The following TMPRSS15 variants were observed in gnomAD, a reference collection of about 807,000 sequenced individuals.
TMPRSS15 encodes enteropeptidase.
A neutral mutation model predicts 125.3 loss-of-function variants in TMPRSS15; 128 were observed. That is an observed-to-expected ratio of 1.02 (90% CI 0.89 to 1.18). The LOEUF is 1.18. Ranked by LOEUF, TMPRSS15 falls within the 50% of genes most tolerant of loss-of-function variation. TMPRSS15 has a pLI of 0.00. For missense variants in TMPRSS15, 1,283 were observed against 1,212.7 expected (o/e 1.06, Z -0.86); for synonymous variants, 446 against 423.2 (o/e 1.05, Z -0.66).
In TMPRSS15 at chr21:18,464,842, CT is replaced by C. The variant is rs2122911351; in HGVS notation, c.10+20956del. ...TTTCTACCAGAGGTACAAAGAGGAG[CT>C]GGTACCATTCCTTCTGAAACTCTTA... On this transcript the variant is annotated intron_variant, in intron 1 of 7. Coordinates refer to the TMPRSS15 transcript ENST00000422787. 5.9e-3 allele frequency among the ~76,000 whole-genome samples: 899 copies of C among 152,296 alleles called. 6 individuals are homozygous for C. The highest frequency in any genetic ancestry group is 8.9e-3 in the Non-Finnish European group (608 of 68,018).
At chr21:18,388,537 A>G (rs774521315) in intron 3 of TMPRSS15, among the ~76,000 whole-genome samples, 12 of 152,308 alleles carry the variant, frequency 7.9e-5, no homozygotes, top group Middle Eastern at 3.4e-3. Flanking sequence ...CTATTCTGAT[A>G]AACTCTGCAA....
chr21:18,464,010 TA>T (rs1342644899), intron 1 of TMPRSS15, among the ~76,000 whole-genome samples: 3 of 151,436 alleles, frequency 2.0e-5, no homozygotes, highest in African/African-American at 7.3e-5. Flanking sequence ...CTGTCACTAC[TA>T]AAAATACAAA....
chr21:18,377,739 GCCC>G (rs1183395811), intron 5 of TMPRSS15, among the ~76,000 whole-genome samples: 1 of 152,002 alleles, frequency 6.6e-6, no homozygotes, highest in African/African-American at 2.4e-5. Flanking sequence ...AGTGTACACT[GCCC>G]CCCATTTCTG....
chr21:18,271,431 C>T (rs1042586812), intron 24 of TMPRSS15, among the ~76,000 whole-genome samples: 2 of 152,128 alleles, frequency 1.3e-5, no homozygotes, highest in African/African-American at 2.4e-5. Flanking sequence ...CCAGAACATA[C>T]TGGGTCGGTT....
chr21:18,460,364 C>T (rs200546483), intron 1 of TMPRSS15, among the ~76,000 whole-genome samples: 1 of 151,634 alleles, frequency 6.6e-6, no homozygotes, highest in African/African-American at 2.4e-5. Context: ...TTTTCTTTCT[C>T]GAGTGGAACA....
In TMPRSS15 at chr21:18,306,996, C is replaced by A. The variant is rs144943577; in HGVS notation, c.2165+5949G>T. 7.6e-3 allele frequency among the ~76,000 whole-genome samples: 1,161 copies of A among 152,270 alleles called. 11 individuals carry two copies. Among genetic ancestry groups the A allele is most frequent in the African/African-American group, 0.025 (1,039 of 41,538 alleles). ...AGGGGAATTGCATTTTGTACCCTAT[C>A]TGCATAAATAATCTTGAGAGACTAC... is the stretch of plus-strand genomic sequence containing the variant. On this transcript the variant is annotated intron_variant, in intron 18 of 24. Coordinates refer to ENST00000284885, the MANE Select transcript of TMPRSS15 (RefSeq NM_002772.3).
chr21:18,464,656 C>G (rs1846256103), intron 1 of TMPRSS15, among the ~76,000 whole-genome samples: 1 of 152,074 alleles, frequency 6.6e-6, no homozygotes, highest in African/African-American at 2.4e-5. Flanking sequence ...ACTAGAAAAT[C>G]TGGAAAAAAT....
intron 1 of TMPRSS15, among the ~76,000 whole-genome samples, chr21:18,480,922 T>C (rs60410106): frequency 6.6e-6 from 1 of 151,802 alleles, no homozygotes; most frequent in Non-Finnish European, 1.5e-5. Context: ...ATCAAAAAGA[T>C]AGCATAATGA....
intron 16 of TMPRSS15, among the ~76,000 whole-genome samples, chr21:18,316,364 T>C (rs151002321): frequency 1.5e-3 from 227 of 152,306 alleles, no homozygotes; most frequent in Non-Finnish European, 2.7e-3. Flanking sequence ...AGAGGTCCCC[T>C]GGCCTCACCA....
At chr21:18,427,617 G>T (rs2076205939) in intron 1 of TMPRSS15, among the ~76,000 whole-genome samples, 2 of 152,082 alleles carry the variant, frequency 1.3e-5, no homozygotes, top group African/African-American at 4.8e-5. Context: ...TTCCACAAAG[G>T]CTGACCGATC....
chr21:18,282,862 T>A (rs1431138037), intron 21 of TMPRSS15, among the ~76,000 whole-genome samples: 1 of 152,068 alleles, frequency 6.6e-6, no homozygotes. Flanking sequence ...CAGCTCTGAG[T>A]GGGGTGCCAT....
At chr21:18,437,859 C>T (rs996042621) in intron 1 of TMPRSS15, among the ~76,000 whole-genome samples, 23 of 151,950 alleles carry the variant, frequency 1.5e-4, no homozygotes, top group Non-Finnish European at 2.8e-4. Context: ...GAAATAGGAA[C>T]ACTTTTACAC....
chr21:18,399,795 T>G (rs534246000), intron 1 of TMPRSS15, among the ~76,000 whole-genome samples: 1 of 152,054 alleles, frequency 6.6e-6, no homozygotes, highest in South Asian at 2.1e-4. Flanking sequence ...AAAAAAAGTA[T>G]AAAAAATGTT....
In TMPRSS15 at chr21:18,374,479, C is replaced by CAAAA. The variant is rs1165884199; in HGVS notation, c.533-2159_533-2156dup. Among the ~76,000 whole-genome samples the CAAAA allele has an allele frequency of 5.3e-3, 316 of 59,856 alleles. 11 individuals carry two copies. Among genetic ancestry groups the CAAAA allele is most frequent in the Non-Finnish European group, 6.1e-3 (219 of 36,116 alleles). The allele number at this position is 59,856 out of a possible 152,430, so 39.3% of individuals were successfully genotyped here. A position where few individuals can be genotyped will look rare whatever the true frequency, so the allele number is the denominator to read the frequency against. ...TGGGCGACAGAGCGAGACTCCGTCT[C>CAAAA]AAAAAAAAAAAAAAAAAAAAAAAAA... On this transcript the variant is annotated intron_variant, in intron 5 of 24. Transcript: ENST00000284885.
intron 1 of TMPRSS15, among the ~76,000 whole-genome samples, chr21:18,481,611 T>C (rs1978983332): frequency 6.6e-6 from 1 of 151,716 alleles, no homozygotes; most frequent in South Asian, 2.1e-4. Flanking sequence ...AATATTTTTA[T>C]CTTGAGATAA....
intron 1 of TMPRSS15, among the ~76,000 whole-genome samples, chr21:18,427,409 G>A (rs1165968212): frequency 6.6e-6 from 1 of 152,182 alleles, no homozygotes; most frequent in African/African-American, 2.4e-5. Flanking sequence ...TCAACATGCT[G>A]AAGATGGATA....
upstream of TMPRSS15, among the ~76,000 whole-genome samples, chr21:18,406,018 C>A (rs959886842): frequency 6.6e-6 from 1 of 151,838 alleles, no homozygotes; most frequent in Non-Finnish European, 1.5e-5. Flanking sequence ...TTTCATTCAG[C>A]TATGACAGAA....
intron 3 of TMPRSS15, among the ~76,000 whole-genome samples, chr21:18,384,601 C>A (rs1479693091): frequency 6.6e-6 from 1 of 152,086 alleles, no homozygotes; most frequent in Non-Finnish European, 1.5e-5. Flanking sequence ...TGCCCTCCTG[C>A]TTACATTTCT....
intron 13 of TMPRSS15, among the ~76,000 whole-genome samples, chr21:18,334,599 T>C (rs562046695): frequency 1.0e-3 from 159 of 152,274 alleles, no homozygotes; most frequent in Non-Finnish European, 1.8e-3. Context: ...TTAGTACTGG[T>C]TTTCAAGGCA....
Sources: allele counts gnomAD v4.1 joint callset (sites outside exome capture counted in the v4.1 genomes callset), GRCh38; gene constraint gnomAD v4.1.1; transcripts MANE v1.5; gene names NCBI Gene and HGNC (gene_info 2026-07-23, HGNC 2026-07-21).